The following KPNA2 variants were observed in gnomAD, a reference collection of about 807,000 sequenced individuals.
KPNA2 encodes importin subunit alpha-1.
KPNA2 carries 20 observed loss-of-function variants against 53.7 expected under a neutral mutation model. The observed-to-expected ratio is 0.37, with a 90% CI of 0.26 to 0.54. The LOEUF (loss-of-function observed/expected upper bound fraction) is 0.54. Among genes scored for constraint, KPNA2 ranks in the 20% least tolerant of loss-of-function variants. The pLI, the probability that KPNA2 is intolerant of heterozygous loss-of-function variation, is 0.83. For synonymous variants in KPNA2, 238 were observed against 227.5 expected (o/e 1.05, Z -0.42); for missense variants, 515 against 640.3 (o/e 0.80, Z 2.11).
At chr17:68,038,588 G>A (rs781999134) in intron 3 of KPNA2, among the ~76,000 whole-genome samples, 2 of 151,880 alleles carry the variant, frequency 1.3e-5, no homozygotes, top group African/African-American at 2.4e-5. Flanking sequence ...CTGTGTTTTC[G>A]CTCCTTAAAA....
intron 4 of KPNA2, 49 bp downstream of exon 4, chr17:68,040,815 T>C: frequency 9.3e-7 from 1 of 1,076,420 alleles, no homozygotes; most frequent in Non-Finnish European, 1.3e-6. Flanking sequence ...TTTGTGTTTT[T>C]AGATTTTTTT....
In KPNA2 at chr17:68,043,198, C is replaced by G; in HGVS notation, c.765C>G (p.Thr255=). Residue 255 remains threonine (T), a synonymous_variant, in exon 7 of 11, where the codon ACC becomes ACG. Coordinates refer to ENST00000330459, the MANE Select transcript of KPNA2 (RefSeq NM_002266.4). ...PIDAVEQILP[T]LVRLLHHDDP... is the part of the protein sequence containing the mutation. ...ATGCTGTTGAGCAGATTCTTCCTAC[C>G]TTAGTTCGGCTCCTGCATCATGATG... 4 of 1,614,102 alleles carry G rather than the reference C, an allele frequency of 2.5e-6. No individual in the cohort carries two copies. The East Asian group carries it at 8.9e-5, about 36-fold the overall frequency.
At chr17:68,038,051 A>G (rs1234760519) in intron 3 of KPNA2, among the ~76,000 whole-genome samples, 1 of 152,102 alleles carries the variant, frequency 6.6e-6, no homozygotes, top group Non-Finnish European at 1.5e-5. Context: ...ATCTCCGCTC[A>G]CTGCAAGCTC....
At position 68,045,769 on chromosome 17, in the gene KPNA2, T is replaced by A. The variant is rs1568278490; in HGVS notation, c.1348-3T>A. The stretch of plus-strand genomic sequence containing the variant: ...AGTAAACTTGGATTTTTTTTTTTTT[T>A]AGGCTGCTGAGAAACTAGGTGAAAC... On this transcript the variant is annotated splice_polypyrimidine_tract_variant and splice_region_variant and intron_variant, in intron 9 of 10. Coordinates refer to ENST00000330459, the MANE Select transcript of KPNA2 (RefSeq NM_002266.4). 4 of 1,520,358 alleles carry A rather than the reference T, an allele frequency of 2.6e-6. No homozygotes were observed. Among genetic ancestry groups the A allele is most frequent in the African/African-American group, 1.4e-5 (1 of 71,602 alleles). The allele number at this position is 1,520,358 out of a possible 1,614,324, so 94.2% of individuals were successfully genotyped here.
chr17:68,046,406 A>G (rs1555705426), intron 10 of KPNA2, 98 bp from the exon 11 acceptor site: 1 of 698,946 alleles, frequency 1.4e-6, no homozygotes, highest in East Asian at 2.7e-5. Context: ...AAGGTGTAAT[A>G]TGCAGATCAA....
rs2144212357 is a variant in KPNA2, at chr17:68,040,707, T to C, written c.243T>C (p.Ile81=). The C allele has an allele frequency of 6.2e-7, 1 of 1,613,646 alleles. No individual in the cohort carries two copies. Among genetic ancestry groups the C allele is most frequent in the Non-Finnish European group, 8.5e-7 (1 of 1,179,650 alleles). Residue 81 remains isoleucine (I), a synonymous_variant, in exon 4 of 11, where the codon ATT becomes ATC. Coordinates refer to ENST00000330459, the MANE Select transcript of KPNA2 (RefSeq NM_002266.4). ...QGTVNWSVDD[I]VKGINSSNVE... ...CTGTAAATTGGTCTGTTGATGACAT[T>C]GTCAAAGGCATAAATAGCAGCAATG...
chr17:68,042,880 A>T (rs1278579444), intron 5 of KPNA2, 25 bp from the exon 6 acceptor site: 3 of 1,562,782 alleles, frequency 1.9e-6, no homozygotes, highest in Non-Finnish European at 8.7e-7. Context: ...AAAAAAAAAA[A>T]AATTAATCTT....
Position 68,040,665 on chromosome 17 carries a change from ACTTTT to A in KPNA2, c.214-9_214-5del, listed in dbSNP as rs2071249074. 1 of 1,572,808 alleles carries A rather than the reference ACTTTT, an allele frequency of 6.4e-7. No individual in the cohort carries two copies. The highest frequency in any genetic ancestry group is 1.4e-5 in the African/African-American group (1 of 74,058). On this transcript the variant is annotated splice_polypyrimidine_tract_variant and splice_region_variant and intron_variant, in intron 3 of 10. Coordinates refer to ENST00000330459, the MANE Select transcript of KPNA2 (RefSeq NM_002266.4). ...TCTTAATGATAATGTGCAAACTTTC[ACTTTT>A]CTTCTAGGGCACTGTAAATTGGTCT...
At chr17:68,040,037 G>A (rs2071237763) in intron 3 of KPNA2, among the ~76,000 whole-genome samples, 1 of 151,796 alleles carries the variant, frequency 6.6e-6, no homozygotes, top group African/African-American at 2.4e-5. Flanking sequence ...CCAAGATCAT[G>A]CCACTGCACT....
chr17:68,038,872 G>C (rs1368708490), intron 3 of KPNA2, among the ~76,000 whole-genome samples: 1 of 152,124 alleles, frequency 6.6e-6, no homozygotes, highest in East Asian at 1.9e-4. Context: ...AAAGTTAGCT[G>C]GGTGTGGTGG....
chr17:68,040,012 G>A lies in KPNA2; in HGVS notation c.214-666G>A, dbSNP rs574913982. 5.9e-5 allele frequency among the ~76,000 whole-genome samples: 9 copies of A among 152,100 alleles called. No individual in the cohort carries two copies. The South Asian group carries it at 1.7e-3, about 28-fold the overall frequency. ...GGAGAATCGCTTGAACCCAGGAGGC[G>A]GAGGTGGTGGTGAGCCAAGATCATG... On this transcript the variant is annotated intron_variant, in intron 3 of 10. Coordinates refer to ENST00000330459, the MANE Select transcript of KPNA2 (RefSeq NM_002266.4).
chr17:68,037,375 A>G lies in KPNA2; in HGVS notation c.93A>G (p.Arg31=). 1 of 1,613,810 alleles carries G rather than the reference A, an allele frequency of 6.2e-7. No homozygotes were observed. The highest frequency in any genetic ancestry group is 8.5e-7 in the Non-Finnish European group (1 of 1,179,902). ...TTCTCAAGGAAATGAGGCGTCGCAG[A>G]ATAGAGGTCAATGTGGAGCTGAGGA... ...GKDSTEMRRR[R]IEVNVELRKA... is the part of the protein sequence containing the mutation. Residue 31 remains arginine, a synonymous_variant, in exon 3 of 11, where the codon AGA becomes AGG. Transcript: ENST00000330459.
intron 1 of KPNA2, chr17:68,036,051 A>C (rs1458120428): frequency 1.3e-5 from 2 of 152,256 alleles, no homozygotes; most frequent in Non-Finnish European, 2.9e-5. Flanking sequence ...TGCAAACGGC[A>C]GCGGAGGCCT....
chr17:68,037,084 T>C, intron 1 of KPNA2, 26 bp from the exon 2 acceptor site: 1 of 1,397,810 alleles, frequency 7.2e-7, no homozygotes, highest in Non-Finnish European at 1.0e-6. Context: ...ATAAAGGAAA[T>C]ATTTTTCTCT....
In KPNA2 at chr17:68,042,879, AAAATT is replaced by A. The variant is rs1221605201; in HGVS notation, c.572-23_572-19del. On this transcript the variant is annotated intron_variant, in intron 5 of 10. Coordinates refer to ENST00000330459, the MANE Select transcript of KPNA2 (RefSeq NM_002266.4). ...ACTCCGTCTCAAAAAAAAAAAAAAA[AAAATT>A]AATCTTGCCTTTTTTTTCAGGTGAT... 9 of 1,567,880 alleles carry A rather than the reference AAAATT, an allele frequency of 5.7e-6. No individual in the cohort carries two copies. The East Asian group carries it at 1.1e-4, about 20-fold the overall frequency.
chr17:68,045,939 ATAT>A lies in KPNA2; in HGVS notation c.1497+21_1497+23del. On this transcript the variant is annotated intron_variant, in intron 10 of 10. Coordinates refer to ENST00000330459, the MANE Select transcript of KPNA2 (RefSeq NM_002266.4). ...CTGTAGAGGTGAGTAATGGATGGTA[ATAT>A]TAATAACAACTTGGAAACATAAAGT... 6.7e-7 allele frequency: 1 copy of A among 1,482,404 alleles called. No individual in the cohort carries two copies. The highest frequency in any genetic ancestry group is 1.3e-5 in the South Asian group (1 of 74,338). 91.8% of individuals were successfully genotyped at this position (1,482,404 alleles called of 1,614,324 possible).
chr17:68,042,382 A>C (rs1555704684), intron 5 of KPNA2, 29 bp downstream of exon 5: 2 of 1,605,722 alleles, frequency 1.2e-6, no homozygotes, highest in Non-Finnish European at 1.7e-6. Context: ...CTTTTGACTG[A>C]ATGTATCTAA....
Position 68,046,637 on chromosome 17 carries a change from G to T in KPNA2, c.*41G>T. 7.9e-7 allele frequency: 1 copy of T among 1,263,778 alleles called. No homozygotes were observed. Among genetic ancestry groups the T allele is most frequent in the Non-Finnish European group, 1.1e-6 (1 of 872,826 alleles). 78.3% of individuals were successfully genotyped at this position (1,263,778 alleles called of 1,614,324 possible). On this transcript the variant is annotated 3_prime_UTR_variant, in exon 11 of 11. Transcript: ENST00000330459. ...CATAAATTTGTTGTGTACTACGTTTGGTATTTTGTCTTATTGTTTCTCTAC... is the reference window on the plus strand; with the variant it reads ...CATAAATTTGTTGTGTACTACGTTTTGTATTTTGTCTTATTGTTTCTCTAC...
intron 3 of KPNA2, among the ~76,000 whole-genome samples, chr17:68,039,811 G>A (rs1484640822): frequency 6.8e-6 from 1 of 147,856 alleles, no homozygotes; most frequent in African/African-American, 2.5e-5. Context: ...GGTAGCTCAT[G>A]CCTGTAATTC....
Sources: gnomAD v4.1 joint callset for allele counts (sites outside exome capture counted in the v4.1 genomes callset) on GRCh38, gnomAD v4.1.1 for gene constraint, MANE v1.5 for transcripts, NCBI Gene and HGNC (gene_info 2026-07-23, HGNC 2026-07-21) for gene names.